Variants in DNAH9 observed in about 807,000 individuals in gnomAD.
DNAH9 encodes dynein axonemal heavy chain 9.
Under a neutral mutation model 471.6 loss-of-function variants are expected in DNAH9, and 345 were observed. That is an observed-to-expected ratio of 0.73 (90% confidence interval 0.67 to 0.80). The LOEUF is 0.80. Ranked by LOEUF, DNAH9 falls within the 30% of genes least tolerant of loss-of-function variation. The probability of loss-of-function intolerance (pLI) is 0.00; values close to 1 mark genes in which losing one functional copy is unlikely to be tolerated. For synonymous variants in DNAH9, 2,093 were observed against 2,123.6 expected (o/e 0.99, Z 0.40); for missense variants, 5,407 against 5,609.2 (o/e 0.96, Z 1.15).
chr17:11,784,056 T>A (rs1205000097), intron 40 of DNAH9, among the ~76,000 whole-genome samples: 1 of 152,092 alleles, frequency 6.6e-6, no homozygotes, highest in Non-Finnish European at 1.5e-5. Flanking sequence ...GGACTCAGAT[T>A]CTCTGAGTCC....
chr17:11,636,591 A>C (rs1482806380), intron 8 of DNAH9, 43 bp from the exon 9 acceptor site: 1 of 1,564,190 alleles, frequency 6.4e-7, no homozygotes, highest in African/African-American at 1.4e-5. Flanking sequence ...GGAAAGGTTT[A>C]ATCTGTGATT....
intron 24 of DNAH9, among the ~76,000 whole-genome samples, chr17:11,701,915 CA>C (rs2074606164): frequency 6.6e-6 from 1 of 152,152 alleles, no homozygotes; most frequent in Non-Finnish European, 1.5e-5. Flanking sequence ...CTCCTGAACT[CA>C]AGTGATCCGC....
At chr17:11,943,552 C>T in intron 67 of DNAH9, among the ~76,000 whole-genome samples, 1 of 152,066 alleles carries the variant, frequency 6.6e-6, no homozygotes, top group Admixed American at 6.5e-5. Flanking sequence ...CGGTGTGCAC[C>T]TGTAGTCCCA....
intron 41 of DNAH9, among the ~76,000 whole-genome samples, chr17:11,785,404 C>T (rs1289685300): frequency 6.6e-6 from 1 of 152,138 alleles, no homozygotes; most frequent in Non-Finnish European, 1.5e-5. Flanking sequence ...AATGACAGCA[C>T]ATGTAATTGT....
chr17:11,802,375 C>T (rs1361695687), intron 43 of DNAH9, among the ~76,000 whole-genome samples: 8 of 152,090 alleles, frequency 5.3e-5, no homozygotes, highest in African/African-American at 7.2e-5. Flanking sequence ...CACCTGTAAT[C>T]CCAGCACTTT....
At chr17:11,818,842 G>C (rs866154455) in intron 45 of DNAH9, among the ~76,000 whole-genome samples, 23 of 151,640 alleles carry the variant, frequency 1.5e-4, no homozygotes, top group African/African-American at 5.6e-4. Context: ...TTTAGTTTGG[G>C]CCTCACAGCT....
chr17:11,816,204 T>C (rs927053595), intron 45 of DNAH9, among the ~76,000 whole-genome samples: 1 of 152,222 alleles, frequency 6.6e-6, no homozygotes, highest in African/African-American at 2.4e-5. Flanking sequence ...GGAGAGACCA[T>C]TGTGTTTGCT....
Position 11,769,136 on chromosome 17 carries a change from C to T in DNAH9, c.7359C>T (p.His2453=). ...TCCCATTCCAGGCGTGTTTGGTGCA[C>T]ACGAGTGAGACCATCCGTGTGTGCT... The part of the protein sequence containing the change: ...PEMPLQACLV[H]TSETIRVCYF... The change falls in exon 38 of 69, where the codon CAC becomes CAT. Residue 2453 remains histidine (H), a synonymous_variant. Coordinates refer to ENST00000262442, the MANE Select transcript of DNAH9 (RefSeq NM_001372.4). 1 of 1,614,218 alleles carries T rather than the reference C, an allele frequency of 6.2e-7. No homozygotes were observed. Among genetic ancestry groups the T allele is most frequent in the Non-Finnish European group, 8.5e-7 (1 of 1,180,038 alleles).
chr17:11,834,908 C>T lies in DNAH9; in HGVS notation c.9507+10C>T, dbSNP rs760319319. The T allele has an allele frequency of 7.4e-6, 12 of 1,610,882 alleles. No homozygotes were observed. Among genetic ancestry groups the T allele is most frequent in the Middle Eastern group, 3.9e-4 (2 of 5,076 alleles). On this transcript the variant is annotated intron_variant, in intron 49 of 68. Transcript: ENST00000262442. The stretch of plus-strand genomic sequence containing the variant: ...CAACACCCTGAACAAGGTAGGAGGA[C>T]TGTCTGCCATACCTGCTCATCCCTC...
At chr17:11,794,691 A>G (rs1969182963) in intron 42 of DNAH9, among the ~76,000 whole-genome samples, 1 of 152,152 alleles carries the variant, frequency 6.6e-6, no homozygotes, top group South Asian at 2.1e-4. Context: ...CAAAACCAAG[A>G]TCATCATTCC....
intron 8 of DNAH9, among the ~76,000 whole-genome samples, chr17:11,634,905 T>C (rs1281115516): frequency 6.6e-6 from 1 of 151,020 alleles, no homozygotes; most frequent in Non-Finnish European, 1.5e-5. Flanking sequence ...CCCTCCAGGA[T>C]TGGGATGCCA....
intron 43 of DNAH9, among the ~76,000 whole-genome samples, chr17:11,801,056 A>G (rs762141923): frequency 3.9e-5 from 6 of 152,208 alleles, no homozygotes; most frequent in African/African-American, 1.4e-4. Flanking sequence ...TGCCTTGTGC[A>G]TAGTGCTTTG....
intron 50 of DNAH9, among the ~76,000 whole-genome samples, chr17:11,861,710 T>C (rs1437315996): frequency 1.2e-4 from 18 of 152,022 alleles, no homozygotes; most frequent in African/African-American, 3.1e-4. Flanking sequence ...TTTTAATGAT[T>C]GCCATTCTAA....
intron 41 of DNAH9, among the ~76,000 whole-genome samples, chr17:11,791,390 G>A (rs1021354865): frequency 3.7e-4 from 57 of 152,080 alleles, no homozygotes; most frequent in African/African-American, 1.4e-3. Flanking sequence ...GCCATCACCC[G>A]GAAGAAGCAA....
At chr17:11,682,830 T>C (rs2074158044) in intron 19 of DNAH9, among the ~76,000 whole-genome samples, 1 of 152,150 alleles carries the variant, frequency 6.6e-6, no homozygotes, top group Non-Finnish European at 1.5e-5. Flanking sequence ...ATTGGTTTCC[T>C]TTCAAGCAAT....
At chr17:11,930,696 C>T (rs964149029) in intron 63 of DNAH9, among the ~76,000 whole-genome samples, 7 of 145,194 alleles carry the variant, frequency 4.8e-5, no homozygotes, top group South Asian at 4.3e-4. Context: ...ACCTGGGAGG[C>T]GGAGCTTGCA....
intron 6 of DNAH9, among the ~76,000 whole-genome samples, chr17:11,621,617 G>A (rs2072866380): frequency 6.6e-6 from 1 of 152,132 alleles, no homozygotes; most frequent in Non-Finnish European, 1.5e-5. Context: ...GCATCACCAT[G>A]TGCCAGGCAC....
In DNAH9 at chr17:11,926,547, G is replaced by A. The variant is rs373095406; in HGVS notation, c.11877+2606G>A. Among the ~76,000 whole-genome samples the A allele has an allele frequency of 5.5e-4, 83 of 152,264 alleles. 1 individual carries two copies. In the South Asian group the frequency reaches 0.016, roughly 30 times the overall value. Reference sequence around the variant, plus strand: ...CCCGCTTTAGTTTGCTGAGGGTAACGGCTTCCAGCTCCATTCATTTCCCTG... The same window carrying A: ...CCCGCTTTAGTTTGCTGAGGGTAACAGCTTCCAGCTCCATTCATTTCCCTG... On this transcript the variant is annotated intron_variant, in intron 62 of 68. Transcript: ENST00000262442.
chr17:11,762,770 G>GTTTGTTTGTTTTTTTTTTT (rs1193246497), intron 35 of DNAH9, among the ~76,000 whole-genome samples: 5 of 90,744 alleles, frequency 5.5e-5, no homozygotes, highest in Non-Finnish European at 1.1e-4. Flanking sequence ...TTTTTTTTTT[G>GTTTGTTTGTTTTTTTTTTT]TTTTTTTTTT....
Sources: allele counts gnomAD v4.1 joint callset (sites outside exome capture counted in the v4.1 genomes callset), GRCh38; gene constraint gnomAD v4.1.1; transcripts MANE v1.5; gene names NCBI Gene and HGNC (gene_info 2026-07-23, HGNC 2026-07-21).